The following KCNQ5 variants were observed in gnomAD, a reference collection of about 807,000 sequenced individuals.
KCNQ5 encodes the protein potassium voltage-gated channel subfamily KQT member 5.
In KCNQ5, 30 loss-of-function variants were observed where a neutral mutation model predicts 98.2. That is an observed-to-expected ratio of 0.31 (90% confidence interval 0.23 to 0.41). The LOEUF (loss-of-function observed/expected upper bound fraction) is 0.41, where lower values mean the gene tolerates loss of function less well. Ranked by LOEUF, KCNQ5 falls within the 10% of genes least tolerant of loss-of-function variation. KCNQ5 has a pLI of 1.00. For synonymous variants in KCNQ5, 458 were observed against 449.4 expected (o/e 1.02, Z -0.24); for missense variants, 835 against 1,182.5 (o/e 0.71, Z 4.31).
At chr6:72,968,022 T>C (rs9446797) in intron 1 of KCNQ5, among the ~76,000 whole-genome samples, 15 of 152,300 alleles carry the variant, frequency 9.8e-5, no homozygotes, top group African/African-American at 3.6e-4. Flanking sequence ...CCACTTCTCC[T>C]TAGCGACCCC....
At chr6:72,953,205 C>T (rs1002790072) in intron 1 of KCNQ5, among the ~76,000 whole-genome samples, 8 of 152,322 alleles carry the variant, frequency 5.3e-5, no homozygotes, top group Admixed American at 4.6e-4. Flanking sequence ...AGAAACTTCT[C>T]TGGACACACA....
At chr6:72,637,816 A>G (rs1483046084) in intron 1 of KCNQ5, among the ~76,000 whole-genome samples, 1 of 152,222 alleles carries the variant, frequency 6.6e-6, no homozygotes, top group East Asian at 1.9e-4. Context: ...CCTGAACCCA[A>G]GGAGCACCTA....
rs952233278 is a variant in KCNQ5 at position 72,622,274 on chromosome 6, G to C, written c.85G>C (p.Gly29Arg). 5 of 1,276,594 alleles carry C rather than the reference G, an allele frequency of 3.9e-6. No individual in the cohort carries two copies. The highest frequency in any genetic ancestry group is 3.0e-5 in the South Asian group (1 of 33,484). 79.1% of individuals were successfully genotyped at this position (1,276,594 alleles called of 1,614,324 possible). Residue 29 changes from glycine (G) to arginine (R), a missense_variant, in exon 1 of 14, where the codon GGG becomes CGG. Gly to Arg is a moderately radical substitution (Grantham distance 125). Coordinates refer to ENST00000370398, the MANE Select transcript of KCNQ5 (RefSeq NM_019842.4). The surrounding 1 kb of genome is among the most constrained non-coding windows in gnomAD (Gnocchi z 6.0). ...CGGCGCAGCGGCGGCGGCGGCGGGC[G>C]GGGGGCGCTTGGGCAGCGGCATGAA... is the stretch of plus-strand genomic sequence containing the variant. ...KSGAAAAAAGGGRLGSGMKDV... is the reference protein window; with the variant it reads ...KSGAAAAAAGRGRLGSGMKDV...
chr6:73,055,820 T>C (rs1772462476), intron 3 of KCNQ5: 4 of 779,228 alleles, frequency 5.1e-6, no homozygotes, highest in Admixed American at 3.5e-5. Flanking sequence ...TGCAAAGCCA[T>C]GGAAGTTGTG....
chr6:73,114,903 T>A (rs1427858736), intron 7 of KCNQ5, among the ~76,000 whole-genome samples: 3 of 152,148 alleles, frequency 2.0e-5, no homozygotes, highest in African/African-American at 7.2e-5. Context: ...TGGCTTCCCC[T>A]AGTAAAATGA....
chr6:72,633,764 A>G (rs1323527233), intron 1 of KCNQ5, among the ~76,000 whole-genome samples: 5 of 152,234 alleles, frequency 3.3e-5, no homozygotes, highest in Non-Finnish European at 7.3e-5. Context: ...AATAAGGCCA[A>G]CAAAAACAAG....
chr6:72,645,401 A>C (rs1350346221), intron 1 of KCNQ5, among the ~76,000 whole-genome samples: 1 of 147,940 alleles, frequency 6.8e-6, no homozygotes, highest in Non-Finnish European at 1.5e-5. Flanking sequence ...AAAAAAAAAA[A>C]CACACATACA....
chr6:72,924,539 C>A (rs1222852084), intron 1 of KCNQ5, among the ~76,000 whole-genome samples: 1 of 152,166 alleles, frequency 6.6e-6, no homozygotes, highest in African/African-American at 2.4e-5. Flanking sequence ...ATCAACAGCA[C>A]ATCTCTGGCA....
intron 1 of KCNQ5, among the ~76,000 whole-genome samples, chr6:72,999,305 A>AT (rs953764257): frequency 6.6e-6 from 1 of 152,156 alleles, no homozygotes; most frequent in South Asian, 2.1e-4. Context: ...TAATATTTAA[A>AT]TTTTTTATAA....
intron 1 of KCNQ5, among the ~76,000 whole-genome samples, chr6:72,844,475 A>T (rs1776937520): frequency 2.0e-5 from 3 of 152,242 alleles, no homozygotes; most frequent in African/African-American, 7.2e-5. Flanking sequence ...AACCTAAGAC[A>T]GTATAAAATA....
intron 1 of KCNQ5, among the ~76,000 whole-genome samples, chr6:72,736,333 A>G (rs1271607758): frequency 6.6e-6 from 1 of 152,142 alleles, no homozygotes; most frequent in Non-Finnish European, 1.5e-5. Flanking sequence ...AATAAGGGGC[A>G]TAATTGAGTA....
At chr6:73,157,465 C>T in intron 10 of KCNQ5, 1 of 688,800 alleles carries the variant, frequency 1.5e-6, no homozygotes, top group Non-Finnish European at 2.7e-6. Flanking sequence ...GCGCCTGTCC[C>T]GGCACCACCA....
At chr6:73,055,320 A>G in intron 3 of KCNQ5, 1 of 1,411,794 alleles carries the variant, frequency 7.1e-7, no homozygotes, top group Non-Finnish European at 1.0e-6. Flanking sequence ...GATCAGATGT[A>G]GCTGCCAATA....
intron 1 of KCNQ5, among the ~76,000 whole-genome samples, chr6:72,930,930 T>A (rs957292812): frequency 6.6e-6 from 1 of 152,168 alleles, no homozygotes; most frequent in Non-Finnish European, 1.5e-5. Context: ...CCTATTTTAA[T>A]CACTGTTAGT....
At chr6:72,754,896 G>A (rs1016608630) in intron 1 of KCNQ5, among the ~76,000 whole-genome samples, 69 of 151,968 alleles carry the variant, frequency 4.5e-4, no homozygotes, top group African/African-American at 1.7e-3. Context: ...TGGAAGAAAA[G>A]TGTTGAAATG....
At chr6:72,655,061 T>C (rs1332184713) in intron 1 of KCNQ5, among the ~76,000 whole-genome samples, 18 of 150,576 alleles carry the variant, frequency 1.2e-4, no homozygotes, top group African/African-American at 4.1e-4. Flanking sequence ...TCTTTCTTTC[T>C]TTCTTTCTTT....
chr6:72,736,789 G>A (rs998656687), intron 1 of KCNQ5, among the ~76,000 whole-genome samples: 1 of 151,404 alleles, frequency 6.6e-6, no homozygotes, highest in Non-Finnish European at 1.5e-5. Flanking sequence ...GTGAGCCACC[G>A]CGCCCGGCCG....
chr6:73,116,247 G>C (rs1163197471), intron 7 of KCNQ5, among the ~76,000 whole-genome samples: 1 of 152,158 alleles, frequency 6.6e-6, no homozygotes, highest in Non-Finnish European at 1.5e-5. Context: ...AATGTTGATA[G>C]GATGAAAGGA....
chr6:72,854,056 C>G lies in KCNQ5; in HGVS notation c.399-149852C>G, dbSNP rs1396305156. 2.0e-5 allele frequency among the ~76,000 whole-genome samples: 3 copies of G among 152,268 alleles called. No individual in the cohort carries two copies. In the East Asian group the frequency reaches 5.8e-4, roughly 29 times the overall value. On this transcript the variant is annotated intron_variant, in intron 1 of 13. Transcript: ENST00000370398. Reference sequence around the variant, plus strand: ...AGTGCCCTACTCTGTAGTGAAGTATCTGTGCAATGAGGTTACAATGACCTA... The same window carrying G: ...AGTGCCCTACTCTGTAGTGAAGTATGTGTGCAATGAGGTTACAATGACCTA...
Sources: allele counts gnomAD v4.1 joint callset (sites outside exome capture counted in the v4.1 genomes callset), GRCh38; gene constraint gnomAD v4.1.1; non-coding constraint Gnocchi (gnomAD v3.1); transcripts MANE v1.5; gene names NCBI Gene and HGNC (gene_info 2026-07-23, HGNC 2026-07-21).